The following LPA variants were observed in gnomAD, a reference collection of about 807,000 sequenced individuals.
LPA encodes lipoprotein(a), also known as apolipoprotein(a).
A neutral mutation model predicts 197.9 loss-of-function variants in LPA; 199 were observed. That is an observed-to-expected ratio of 1.01 (90% CI 0.90 to 1.13). The LOEUF is 1.13. LPA is among the 50% of genes most tolerant of loss of function. LPA has a pLI of 0.00. For synonymous variants in LPA, 715 were observed against 639.5 expected (o/e 1.12, Z -1.78); for missense variants, 1,853 against 1,785.8 (o/e 1.04, Z -0.68).
At chr6:160,541,050 G>C (rs1777973288) in intron 35 of LPA, 57 bp downstream of exon 35, 1 of 1,409,602 alleles carries the variant, frequency 7.1e-7, no homozygotes, top group African/African-American at 1.4e-5. Context: ...TGGAGGAAGA[G>C]AGGGAGGAAA....
At chr6:160,563,660 G>C (rs1349900948) in intron 28 of LPA, among the ~76,000 whole-genome samples, 1 of 152,038 alleles carries the variant, frequency 6.6e-6, no homozygotes, top group Non-Finnish European at 1.5e-5. Context: ...ATTGGCTGTG[G>C]GGTGTTAAAG....
At chr6:160,537,736 G>T in intron 37 of LPA, 119 bp downstream of exon 37, 1 of 931,638 alleles carries the variant, frequency 1.1e-6, no homozygotes, top group Non-Finnish European at 1.7e-6. Flanking sequence ...GCAAAGTCAG[G>T]AGTGGGTAGA....
At chr6:160,560,470 T>G (rs773993176) in intron 28 of LPA, among the ~76,000 whole-genome samples, 1 of 152,204 alleles carries the variant, frequency 6.6e-6, no homozygotes, top group Non-Finnish European at 1.5e-5. Context: ...CCTGACTTTT[T>G]AATGATCGCC....
Position 160,542,741 on chromosome 6 carries a change from C to T in LPA, c.5466G>A (p.Gly1822=), listed in dbSNP as rs765746657. ...EPKKCPGSIV[G]GCVAHPHSWP... Reference sequence around the variant, plus strand: ...AGGAATGTGGGTGGGCCACACACCCCCCTACAATGCTTCCAGGACATTTCT... The same window carrying T: ...AGGAATGTGGGTGGGCCACACACCCTCCTACAATGCTTCCAGGACATTTCT... Residue 1822 remains glycine, a synonymous_variant, in exon 34 of 39, where the codon GGG becomes GGA. Transcript: ENST00000316300. 3.7e-6 allele frequency: 6 copies of T among 1,613,918 alleles called. No individual in the cohort carries two copies. Among genetic ancestry groups the T allele is most frequent in the Non-Finnish European group, 3.4e-6 (4 of 1,180,000 alleles).
chr6:160,583,911 G>A (rs549484470), intron 26 of LPA, among the ~76,000 whole-genome samples: 24 of 152,242 alleles, frequency 1.6e-4, no homozygotes, highest in African/African-American at 5.1e-4. Context: ...TGTACTGTCT[G>A]CTGTTCAACA....
Position 160,557,482 on chromosome 6 carries a change from C to T in LPA, c.4721G>A (p.Cys1574Tyr), listed in dbSNP as rs922928826. The change falls in exon 29 of 39, where the codon TGC (cysteine) becomes TAC (tyrosine). Residue 1574 changes from cysteine to tyrosine, a missense_variant. Transcript: ENST00000316300. Reference protein sequence around the residue: ...TTDPCVRWEYCNLTQCSETES... With the variant: ...TTDPCVRWEYYNLTQCSETES... Reference sequence around the variant, plus strand: ...TGTTTCTGAGCATTGTGTCAGATTGCAGTACTCCCACCTCACACACGGATC... The same window carrying T: ...TGTTTCTGAGCATTGTGTCAGATTGTAGTACTCCCACCTCACACACGGATC... The T allele has an allele frequency of 1.2e-6, 2 of 1,614,054 alleles. No homozygotes were observed. The highest frequency in any genetic ancestry group is 1.7e-6 in the Non-Finnish European group (2 of 1,180,008).
chr6:160,655,570 T>C (rs926692303), intron 1 of LPA, among the ~76,000 whole-genome samples: 1 of 152,206 alleles, frequency 6.6e-6, no homozygotes, highest in African/African-American at 2.4e-5. Flanking sequence ...CACCAGGCAT[T>C]GTGCCTCTTT....
At chr6:160,589,440 A>G in intron 24 of LPA, 113 bp downstream of exon 24, 2 of 1,271,160 alleles carry the variant, frequency 1.6e-6, no homozygotes, top group Non-Finnish European at 2.3e-6. Context: ...ATTCTGTCCA[A>G]CATTCTGGGT....
At chr6:160,595,224 A>G in intron 21 of LPA, 130 bp downstream of exon 21, 1 of 1,155,792 alleles carries the variant, frequency 8.7e-7, no homozygotes, top group Admixed American at 1.8e-5. Context: ...GTTCCTTCCC[A>G]GTGGCTGACC....
At chr6:160,604,063 G>T (rs549883366) in intron 18 of LPA, among the ~76,000 whole-genome samples, 1 of 152,166 alleles carries the variant, frequency 6.6e-6, no homozygotes, top group South Asian at 2.1e-4. Context: ...CCTTTTTCTG[G>T]GCACATGCAA....
intron 24 of LPA, among the ~76,000 whole-genome samples, chr6:160,586,870 GA>G (rs1420717144): frequency 3.3e-5 from 5 of 152,160 alleles, no homozygotes; most frequent in Admixed American, 6.5e-5. Context: ...AAAACTGAGA[GA>G]AAACATCAAT....
chr6:160,647,407 G>T (rs1212253610), intron 2 of LPA, among the ~76,000 whole-genome samples: 2 of 152,094 alleles, frequency 1.3e-5, no homozygotes, highest in East Asian at 3.9e-4. Context: ...GAGAAAATGG[G>T]AAATGTATTA....
intron 25 of LPA, among the ~76,000 whole-genome samples, 160 bp from the exon 26 acceptor site, chr6:160,585,365 T>G (rs1025267780): frequency 6.6e-6 from 1 of 152,154 alleles, no homozygotes; most frequent in Non-Finnish European, 1.5e-5. Context: ...AATAGACTTA[T>G]AGGATTCTAG....
intron 14 of LPA, among the ~76,000 whole-genome samples, chr6:160,615,408 A>C (rs4708873): frequency 9.6e-6 from 1 of 104,642 alleles, no homozygotes; most frequent in Non-Finnish European, 1.9e-5. Context: ...AGGTTCTCTA[A>C]AATTGTGTGT....
chr6:160,661,609 T>C (rs183895524), intron 1 of LPA, among the ~76,000 whole-genome samples: 15 of 152,318 alleles, frequency 9.8e-5, no homozygotes, highest in Admixed American at 8.5e-4. Flanking sequence ...TGTGACTTTG[T>C]CCTTCCTCAA....
At chr6:160,597,349 A>G (rs898078911) in intron 20 of LPA, among the ~76,000 whole-genome samples, 2 of 152,206 alleles carry the variant, frequency 1.3e-5, no homozygotes, top group African/African-American at 2.4e-5. Flanking sequence ...ATACATCACA[A>G]AAGCTCTTAT....
intron 28 of LPA, among the ~76,000 whole-genome samples, chr6:160,558,033 C>T (rs1230762865): frequency 1.3e-5 from 2 of 151,918 alleles, no homozygotes; most frequent in East Asian, 3.9e-4. Context: ...CATTCTCCTG[C>T]CTCAGTCTCC....
In LPA at chr6:160,535,868, A is replaced by G. The variant is rs147916684; in HGVS notation, c.5842+1987T>C. Among the ~76,000 whole-genome samples, 382 of 152,302 alleles carry G rather than the reference A, an allele frequency of 2.5e-3. 2 individuals are homozygous for G. The highest frequency in any genetic ancestry group is 3.7e-3 in the Non-Finnish European group (251 of 68,034). On this transcript the variant is annotated intron_variant, in intron 37 of 38. Coordinates refer to ENST00000316300, the MANE Select transcript of LPA (RefSeq NM_005577.4). ...CAGAACTCACACCCAGATCCTTATG[A>G]TTTTAGCTTCATGCTTTCATCAGTT...
At chr6:160,603,158 A>G (rs1283275484) in intron 18 of LPA, among the ~76,000 whole-genome samples, 1 of 151,378 alleles carries the variant, frequency 6.6e-6, no homozygotes, top group Non-Finnish European at 1.5e-5. Context: ...CTTCCTACCC[A>G]CATGCAGGAA....
Sources: allele counts gnomAD v4.1 joint callset (sites outside exome capture counted in the v4.1 genomes callset), GRCh38; gene constraint gnomAD v4.1.1; transcripts MANE v1.5; gene names NCBI Gene and HGNC (gene_info 2026-07-23, HGNC 2026-07-21).